The following DOCK8 variants were observed in gnomAD, a reference collection of about 807,000 sequenced individuals.
The protein encoded by DOCK8 is dedicator of cytokinesis 8, also known as dedicator of cytokinesis protein 8.
In DOCK8, 141 loss-of-function variants were observed where a neutral mutation model predicts 245.6. The ratio of observed to expected loss-of-function variants is 0.57; its 90% CI spans 0.50 to 0.66. The LOEUF (loss-of-function observed/expected upper bound fraction) is 0.66. DOCK8 is among the 30% of genes least tolerant of loss of function. DOCK8 has a pLI of 0.00. For synonymous variants in DOCK8, 1,168 were observed against 970.2 expected (o/e 1.20, Z -3.79); for missense variants, 2,965 against 2,603.4 (o/e 1.14, Z -3.02).
Position 302,995 on chromosome 9 carries a change from G to A in DOCK8, c.405-1586G>A, listed in dbSNP as rs2049626489. On this transcript the variant is annotated intron_variant, in intron 4 of 47. Coordinates refer to ENST00000432829, the MANE Select transcript of DOCK8 (RefSeq NM_203447.4). ...ATCAAAATAAATGGAAAAAAAAAAAGAAAAAGAAAAAGAAAATTAACTGGG... is the reference window on the plus strand; with the variant it reads ...ATCAAAATAAATGGAAAAAAAAAAAAAAAAAGAAAAAGAAAATTAACTGGG... Among the ~76,000 whole-genome samples, 5 of 150,952 alleles carry A rather than the reference G, an allele frequency of 3.3e-5. No individual in the cohort carries two copies. The South Asian group carries it at 1.0e-3, about 32-fold the overall frequency.
chr9:367,946 G>A (rs2053089565), intron 14 of DOCK8, 72 bp from the exon 15 acceptor site: 1 of 1,286,148 alleles, frequency 7.8e-7, no homozygotes, highest in Non-Finnish European at 1.1e-6. Flanking sequence ...GGAAGTCTCA[G>A]CATTTGCTGA....
At chr9:455,638 C>T (rs935308112) in intron 46 of DOCK8, among the ~76,000 whole-genome samples, 1 of 152,138 alleles carries the variant, frequency 6.6e-6, no homozygotes. Flanking sequence ...GAGTGGAGAG[C>T]CTGCAAAGAT....
intron 5 of DOCK8, among the ~76,000 whole-genome samples, chr9:308,946 C>T (rs765686736): frequency 1.3e-5 from 2 of 152,212 alleles, no homozygotes; most frequent in African/African-American, 2.4e-5. Context: ...CATGAGCCAC[C>T]GCACCTGGCC....
chr9:419,787 A>G (rs2056197998), intron 30 of DOCK8, among the ~76,000 whole-genome samples: 1 of 152,214 alleles, frequency 6.6e-6, no homozygotes, highest in Non-Finnish European at 1.5e-5. Context: ...TATTAAAGCA[A>G]ATAGCCTGAA....
chr9:213,894 A>AT (rs1274770598), upstream of DOCK8: 24 of 151,582 alleles, frequency 1.6e-4, no homozygotes, highest in African/African-American at 5.3e-4. Flanking sequence ...CGCCCGGCTA[A>AT]TTTTTTGTAT....
chr9:411,019 G>A (rs773284000), intron 28 of DOCK8, among the ~76,000 whole-genome samples: 3 of 152,140 alleles, frequency 2.0e-5, no homozygotes, highest in Admixed American at 2.0e-4. Context: ...TACTAAAATT[G>A]ACTCCAAGAA....
Position 315,037 on chromosome 9 carries a change from TATAG to T in DOCK8, c.742-2004_742-2001del, listed in dbSNP as rs368524675. On this transcript the variant is annotated intron_variant, in intron 6 of 47. Transcript: ENST00000432829. ...GAAAGATTCCACTGATACTCCAAAT[TATAG>T]AAAAGTTTGCTGAGGCTGTTGGTTA... 1.5e-4 allele frequency among the ~76,000 whole-genome samples: 23 copies of T among 152,222 alleles called. No homozygotes were observed. The East Asian group carries it at 3.9e-3, about 26-fold the overall frequency.
intron 14 of DOCK8, among the ~76,000 whole-genome samples, chr9:354,057 C>T (rs1215304439): frequency 6.6e-6 from 1 of 152,116 alleles, no homozygotes; most frequent in African/African-American, 2.4e-5. Flanking sequence ...TGTGGCCGGG[C>T]ACGGTGGCTC....
At chr9:284,860 A>C (rs142399360) in intron 2 of DOCK8, among the ~76,000 whole-genome samples, 1 of 152,320 alleles carries the variant, frequency 6.6e-6, no homozygotes, top group African/African-American at 2.4e-5. Context: ...CAAATGCTGC[A>C]TGTTCTCACT....
intron 1 of DOCK8, among the ~76,000 whole-genome samples, chr9:217,454 A>T (rs2046782666): frequency 6.6e-6 from 1 of 152,214 alleles, no homozygotes; most frequent in South Asian, 2.1e-4. Flanking sequence ...CATTCAATGG[A>T]AGAAAATATG....
intron 14 of DOCK8, among the ~76,000 whole-genome samples, chr9:361,567 T>G (rs769434909): frequency 5.9e-5 from 9 of 152,208 alleles, no homozygotes; most frequent in Non-Finnish European, 1.0e-4. Flanking sequence ...GCAATTTTTT[T>G]GAAGGACATT....
At chr9:401,025 C>T (rs1564017319) in intron 26 of DOCK8, among the ~76,000 whole-genome samples, 1 of 140,410 alleles carries the variant, frequency 7.1e-6, no homozygotes, top group Non-Finnish European at 1.6e-5. Flanking sequence ...ATGACCACCT[C>T]CTTCACCTCC....
intron 20 of DOCK8, among the ~76,000 whole-genome samples, 170 bp from the exon 21 acceptor site, chr9:379,600 CT>C (rs1407767837): frequency 4.2e-4 from 64 of 152,320 alleles, no homozygotes; most frequent in African/African-American, 1.4e-3. Flanking sequence ...GTGGAGGCAT[CT>C]GTGGTACTCA....
At chr9:405,582 A>C (rs1024773194) in intron 27 of DOCK8, among the ~76,000 whole-genome samples, 3 of 152,140 alleles carry the variant, frequency 2.0e-5, no homozygotes, top group African/African-American at 7.2e-5. Context: ...TGGAAACCCC[A>C]CCCCACCTCA....
At chr9:333,109 C>A (rs376100903) in intron 10 of DOCK8, among the ~76,000 whole-genome samples, 1 of 152,270 alleles carries the variant, frequency 6.6e-6, no homozygotes. Context: ...CGTGGAGACC[C>A]CAAAACTAAA....
At chr9:382,933 T>C (rs1036159538) in intron 22 of DOCK8, among the ~76,000 whole-genome samples, 3 of 152,088 alleles carry the variant, frequency 2.0e-5, no homozygotes, top group African/African-American at 7.2e-5. Context: ...TTTTAAAGCA[T>C]CAGGGGTTTA....
Position 286,594 on chromosome 9 carries a change from C to T in DOCK8, c.290C>T (p.Pro97Leu), listed in dbSNP as rs760271664. Residue 97 changes from proline to leucine, a missense_variant, in exon 3 of 48, where the codon CCA becomes CTA. Pro to Leu is a moderately conservative substitution (Grantham distance 98, BLOSUM62 -3). Transcript: ENST00000432829. The stretch of plus-strand genomic sequence containing the variant: ...GACGACTTGGACGTGGTGTTCACGC[C>T]AAAGGAATGTAGGACTTTGCAGCCC... ...TDDDLDVVFTPKECRTLQPSL... is the reference protein window; with the variant it reads ...TDDDLDVVFTLKECRTLQPSL... 2 of 1,613,868 alleles carry T rather than the reference C, an allele frequency of 1.2e-6. No individual in the cohort carries two copies. The highest frequency in any genetic ancestry group is 1.7e-5 in the Admixed American group (1 of 59,976).
intron 5 of DOCK8, 72 bp from the exon 6 acceptor site, chr9:311,882 C>T: frequency 6.4e-7 from 1 of 1,566,462 alleles, no homozygotes; most frequent in Non-Finnish European, 8.7e-7. Context: ...AGTCTTGAGA[C>T]ATCCAAGATT....
At chr9:418,299 T>TCTCA in intron 30 of DOCK8, 92 bp downstream of exon 30, 2 of 1,553,928 alleles carry the variant, frequency 1.3e-6, no homozygotes, top group Non-Finnish European at 1.8e-6. Flanking sequence ...TGAGACAGAG[T>TCTCA]CTCACTCTGT....
Sources: allele counts gnomAD v4.1 joint callset (sites outside exome capture counted in the v4.1 genomes callset), GRCh38; gene constraint gnomAD v4.1.1; transcripts MANE v1.5; gene names NCBI Gene and HGNC (gene_info 2026-07-23, HGNC 2026-07-21).